The following NVL variants were observed in gnomAD, a reference collection of about 807,000 sequenced individuals.
NVL encodes nuclear valosin-containing protein-like.
Under a neutral mutation model 110.2 loss-of-function variants are expected in NVL, and 84 were observed. The observed-to-expected ratio is 0.76, with a 90% confidence interval of 0.64 to 0.91. NVL has a LOEUF of 0.91. NVL is among the 40% of genes least tolerant of loss of function. The pLI, the probability that NVL is intolerant of heterozygous loss-of-function variation, is 0.00. For synonymous variants in NVL, 354 were observed against 361.1 expected (o/e 0.98, Z 0.22); for missense variants, 882 against 1,035.9 (o/e 0.85, Z 2.04).
intron 22 of NVL, among the ~76,000 whole-genome samples, chr1:224,229,641 G>A (rs1324217004): frequency 2.6e-5 from 4 of 151,756 alleles, no homozygotes; most frequent in African/African-American, 9.7e-5. Context: ...GTAGAGATGA[G>A]ATTTCACTAT....
At chr1:224,292,390 CTAT>C (rs1268451618) in intron 12 of NVL, among the ~76,000 whole-genome samples, 1 of 152,126 alleles carries the variant, frequency 6.6e-6, no homozygotes, top group East Asian at 1.9e-4. Flanking sequence ...AAAGTTATTA[CTAT>C]TATTATTACT....
At chr1:224,244,824 A>G (rs1344089144) in intron 19 of NVL, among the ~76,000 whole-genome samples, 1 of 151,848 alleles carries the variant, frequency 6.6e-6, no homozygotes, top group Non-Finnish European at 1.5e-5. Flanking sequence ...AGTAGCCGGG[A>G]CTACAGGCAC....
intron 15 of NVL, among the ~76,000 whole-genome samples, chr1:224,284,366 T>G (rs990413883): frequency 1.3e-5 from 2 of 151,514 alleles, no homozygotes; most frequent in Non-Finnish European, 2.9e-5. Flanking sequence ...TAAACATACT[T>G]AAATAAAAAA....
intron 6 of NVL, 105 bp from the exon 7 acceptor site, chr1:224,305,271 G>A (rs1005421736): frequency 8.7e-7 from 1 of 1,144,790 alleles, no homozygotes; most frequent in African/African-American, 1.6e-5. Context: ...TCCTGCCCTA[G>A]CACTTTCACC....
chr1:224,239,276 A>T (rs1660887468), intron 19 of NVL, among the ~76,000 whole-genome samples: 1 of 152,132 alleles, frequency 6.6e-6, no homozygotes, highest in African/African-American at 2.4e-5. Flanking sequence ...TGGCCCTTAT[A>T]GAACTTTGTT....
intron 17 of NVL, among the ~76,000 whole-genome samples, chr1:224,271,357 T>G (rs1022084318): frequency 6.6e-6 from 1 of 151,866 alleles, no homozygotes; most frequent in South Asian, 2.1e-4. Context: ...GGTGTGGTGG[T>G]GCACACCCGT....
intron 10 of NVL, among the ~76,000 whole-genome samples, chr1:224,299,818 T>C (rs1050473555): frequency 6.6e-6 from 1 of 151,568 alleles, no homozygotes; most frequent in African/African-American, 2.4e-5. Context: ...GCCTACCCAT[T>C]CTTGTTATTT....
At chr1:224,305,924 T>C (rs1465819230) in intron 6 of NVL, among the ~76,000 whole-genome samples, 2 of 152,260 alleles carry the variant, frequency 1.3e-5, no homozygotes, top group Non-Finnish European at 2.9e-5. Flanking sequence ...TAATCTGCCT[T>C]GTATGAGTGA....
rs944309181 is a variant in NVL at position 224,294,184 on chromosome 1, C to T, written c.1325+83G>A. 1.3e-5 allele frequency: 18 copies of T among 1,383,228 alleles called. No individual in the cohort carries two copies. The East Asian group carries it at 3.0e-4, about 23-fold the overall frequency. The allele number at this position is 1,383,228 out of a possible 1,614,324, so 85.7% of individuals were successfully genotyped here. A position where few individuals can be genotyped will look rare whatever the true frequency, so the allele number is the denominator to read the frequency against. On this transcript the variant is annotated intron_variant, in intron 12 of 22. Coordinates refer to ENST00000281701, the MANE Select transcript of NVL (RefSeq NM_002533.4). Reference sequence around the variant, plus strand: ...AGAAAGAGAGAGAAAGAAAAGGCTACTTGGTATTTCTCACCTCTTACTTTC... The same window carrying T: ...AGAAAGAGAGAGAAAGAAAAGGCTATTTGGTATTTCTCACCTCTTACTTTC...
Position 224,292,752 on chromosome 1 carries a change from CCT to C in NVL, c.1325+1513_1325+1514del, listed in dbSNP as rs200616290. On this transcript the variant is annotated intron_variant, in intron 12 of 22. Coordinates refer to ENST00000281701, the MANE Select transcript of NVL (RefSeq NM_002533.4). ...CAGTGTACCCCTTCCTCATTAAATA[CCT>C]TTTTTTTTTTGAGACAGGGTTTTGC... is the stretch of plus-strand genomic sequence containing the variant. 3.8e-3 allele frequency among the ~76,000 whole-genome samples: 582 copies of C among 151,848 alleles called. 1 individual carries two copies. The highest frequency in any genetic ancestry group is 5.6e-3 in the Non-Finnish European group (380 of 67,950).
At chr1:224,309,040 G>C (rs1255474575) in intron 5 of NVL, among the ~76,000 whole-genome samples, 1 of 142,978 alleles carries the variant, frequency 7.0e-6, no homozygotes, top group Non-Finnish European at 1.5e-5. Flanking sequence ...CAGCCTGGGT[G>C]ACAGAGCGGG....
intron 17 of NVL, among the ~76,000 whole-genome samples, chr1:224,273,491 A>G (rs746023946): frequency 2.6e-5 from 4 of 152,134 alleles, no homozygotes; most frequent in African/African-American, 7.2e-5. Flanking sequence ...TGGAGCAGCC[A>G]TTCTTTATTC....
intron 22 of NVL, among the ~76,000 whole-genome samples, chr1:224,230,873 C>T (rs1659797708): frequency 6.6e-6 from 1 of 152,086 alleles, no homozygotes; most frequent in African/African-American, 2.4e-5. Flanking sequence ...GTGGCTCACG[C>T]CTGTAATCCC....
intron 4 of NVL, among the ~76,000 whole-genome samples, chr1:224,316,265 C>T (rs977875592): frequency 6.6e-6 from 1 of 152,074 alleles, no homozygotes; most frequent in East Asian, 1.9e-4. Context: ...ACTATTGATA[C>T]ACACAACATT....
chr1:224,287,581 TAAAC>T (rs1666987130), intron 14 of NVL, among the ~76,000 whole-genome samples, 190 bp downstream of exon 14: 1 of 152,096 alleles, frequency 6.6e-6, no homozygotes. Flanking sequence ...TTTAAAAAAA[TAAAC>T]AAATCGGATC....
At chr1:224,249,617 C>A (rs1462641330) in intron 19 of NVL, among the ~76,000 whole-genome samples, 1 of 152,132 alleles carries the variant, frequency 6.6e-6, no homozygotes, top group Non-Finnish European at 1.5e-5. Flanking sequence ...TGGTGGCGAG[C>A]ACCTGTAGTC....
rs1051184896 is a variant in NVL, at chr1:224,271,803, G to A, written c.2082+3536C>T. On this transcript the variant is annotated intron_variant, in intron 17 of 22. Coordinates refer to ENST00000281701, the MANE Select transcript of NVL (RefSeq NM_002533.4). ...CGAGGCGGGCAGATCACGAGGTCAG[G>A]AGTTCGAGACCAGTCTGGCCAACAT... Among the ~76,000 whole-genome samples, 15 of 152,116 alleles carry A rather than the reference G, an allele frequency of 9.9e-5. No individual in the cohort carries two copies. The East Asian group carries it at 2.9e-3, about 30-fold the overall frequency.
chr1:224,326,311 G>T, intron 2 of NVL, 80 bp downstream of exon 2: 1 of 1,005,186 alleles, frequency 9.9e-7, no homozygotes, highest in Non-Finnish European at 1.5e-6. Flanking sequence ...ATATCAACTG[G>T]AAATTTAGGC....
At chr1:224,311,408 G>C (rs1228171668) in intron 5 of NVL, among the ~76,000 whole-genome samples, 2 of 151,702 alleles carry the variant, frequency 1.3e-5, no homozygotes, top group Non-Finnish European at 2.9e-5. Flanking sequence ...ACCCAGGCTG[G>C]AGTGCAGTGG....
Sources: gnomAD v4.1 joint callset for allele counts (sites outside exome capture counted in the v4.1 genomes callset) on GRCh38, gnomAD v4.1.1 for gene constraint, MANE v1.5 for transcripts, NCBI Gene and HGNC (gene_info 2026-07-23, HGNC 2026-07-21) for gene names.